ARHGAP22: variants seen among roughly 807,000 people sequenced by gnomAD.
ARHGAP22 encodes rho GTPase-activating protein 22.
A neutral mutation model predicts 59.1 loss-of-function variants in ARHGAP22; 48 were observed. The ratio of observed to expected loss-of-function variants is 0.81; its 90% confidence interval spans 0.64 to 1.03. The LOEUF (loss-of-function observed/expected upper bound fraction) is 1.03. ARHGAP22 is among the 50% of genes least tolerant of loss of function. The pLI is 0.00. For synonymous variants in ARHGAP22, 445 were observed against 416.4 expected, an observed-to-expected ratio of 1.07 and a Z score of -0.84; for missense variants, 1,015 against 958.7, an observed-to-expected ratio of 1.06 and a Z score of -0.78.
upstream of ARHGAP22, among the ~76,000 whole-genome samples, chr10:48,607,230 G>A (rs1275941534): frequency 6.6e-6 from 1 of 152,176 alleles, no homozygotes; most frequent in Non-Finnish European, 1.5e-5. Flanking sequence ...ACCCCCAGGC[G>A]CTTTTCCTGT....
intron 3 of ARHGAP22, among the ~76,000 whole-genome samples, chr10:48,501,175 G>A (rs546953604): frequency 6.6e-6 from 1 of 152,196 alleles, no homozygotes; most frequent in Admixed American, 6.5e-5. Context: ...GCCCAGATTT[G>A]TTTGAATATG....
the ARHGAP22 span, chr10:48,437,268 A>T: frequency 6.6e-6 from 1 of 152,222 alleles, no homozygotes; most frequent in African/African-American, 2.4e-5. Flanking sequence ...AAATTACTAC[A>T]TCCAAATACA....
At chr10:48,495,965 G>A (rs536680002) in intron 3 of ARHGAP22, among the ~76,000 whole-genome samples, 39 of 152,230 alleles carry the variant, frequency 2.6e-4, no homozygotes, top group East Asian at 1.5e-3. Flanking sequence ...ACAAATAGCC[G>A]TGTGATTCAG....
intron 3 of ARHGAP22, among the ~76,000 whole-genome samples, chr10:48,491,551 C>T (rs530217410): frequency 2.6e-5 from 4 of 152,322 alleles, no homozygotes; most frequent in East Asian, 1.9e-4. Context: ...TGGCCCACCC[C>T]GACTCTGTCT....
At chr10:48,654,776 TTCTTTCTTTCTTTCTTTC>T (rs1446300390), upstream of ARHGAP22, among the ~76,000 whole-genome samples, 5 of 44,954 alleles carry the variant, frequency 1.1e-4, no homozygotes, top group African/African-American at 1.7e-4. Flanking sequence ...GCTGATTACT[TTCTTTCTTTCTTTCTTTC>T]TTTCTTTCTT....
intron 3 of ARHGAP22, among the ~76,000 whole-genome samples, chr10:48,501,940 T>G (rs1424644071): frequency 6.6e-6 from 1 of 152,170 alleles, no homozygotes; most frequent in Non-Finnish European, 1.5e-5. Context: ...GAGGAGCAGC[T>G]TCCTCTCAGG....
intron 1 of ARHGAP22, among the ~76,000 whole-genome samples, chr10:48,645,662 G>C (rs1233994970): frequency 6.6e-6 from 1 of 152,056 alleles, no homozygotes; most frequent in Non-Finnish European, 1.5e-5. Flanking sequence ...GTGTTAAAGG[G>C]TATCTATGAC....
At chr10:48,597,321 A>T (rs2060127621) in intron 1 of ARHGAP22, among the ~76,000 whole-genome samples, 1 of 152,056 alleles carries the variant, frequency 6.6e-6, no homozygotes, top group Non-Finnish European at 1.5e-5. Context: ...GCCTGTTTCC[A>T]CACATGAAAA....
At chr10:48,573,155 C>T (rs2058502161) in intron 2 of ARHGAP22, among the ~76,000 whole-genome samples, 2 of 152,136 alleles carry the variant, frequency 1.3e-5, no homozygotes, top group South Asian at 4.2e-4. Context: ...TGTCGCCTGC[C>T]CCTAGACTCC....
chr10:48,552,101 C>T (rs1192027745), intron 3 of ARHGAP22, among the ~76,000 whole-genome samples: 1 of 152,254 alleles, frequency 6.6e-6, no homozygotes, highest in Non-Finnish European at 1.5e-5. Flanking sequence ...ATTTTTTATA[C>T]CGTTGAATTG....
chr10:48,524,969 A>G (rs959364586), intron 3 of ARHGAP22, among the ~76,000 whole-genome samples: 7 of 152,232 alleles, frequency 4.6e-5, no homozygotes, highest in Admixed American at 1.3e-4. Flanking sequence ...GAGTTGATAT[A>G]TACAAGGACT....
chr10:48,621,514 G>C (rs1045744118), intron 1 of ARHGAP22, among the ~76,000 whole-genome samples: 2 of 152,188 alleles, frequency 1.3e-5, no homozygotes, highest in Non-Finnish European at 2.9e-5. Context: ...AGATATGCCA[G>C]ATTTGTTAAA....
At chr10:48,570,547 GT>G (rs1371375205) in intron 2 of ARHGAP22, among the ~76,000 whole-genome samples, 7 of 152,170 alleles carry the variant, frequency 4.6e-5, no homozygotes, top group Non-Finnish European at 1.0e-4. Flanking sequence ...GCTCAGGTTT[GT>G]TTTTTTCTGA....
intron 7 of ARHGAP22, 34 bp downstream of exon 7, chr10:48,454,054 G>A (rs951285852): frequency 1.9e-6 from 3 of 1,602,448 alleles, no homozygotes; most frequent in Admixed American, 3.3e-5. Context: ...AGCCAGTGCA[G>A]GAAAGTGTGG....
chr10:48,483,463 G>A (rs886888979), intron 3 of ARHGAP22, among the ~76,000 whole-genome samples: 2 of 152,102 alleles, frequency 1.3e-5, no homozygotes, highest in Non-Finnish European at 2.9e-5. Context: ...TTTACTTTTA[G>A]GTTTTTTGAG....
Position 48,583,119 on chromosome 10 carries a change from C to A in ARHGAP22, c.68G>T (p.Ser23Ile). 1.2e-5 allele frequency: 20 copies of A among 1,614,228 alleles called. No individual in the cohort carries two copies. Among genetic ancestry groups the A allele is most frequent in the Non-Finnish European group, 1.7e-5 (20 of 1,180,044 alleles). ...RSKSLVMGEQ[S>I]RSPGRMPCPH... Reference sequence around the variant, plus strand: ...GCACGGCATCCGCCCAGGGCTCCGGCTCTGCTCCCCCATCACTAGGCTTTT... The same window carrying A: ...GCACGGCATCCGCCCAGGGCTCCGGATCTGCTCCCCCATCACTAGGCTTTT... Residue 23 changes from serine to isoleucine, a missense_variant, in exon 2 of 10, where the codon AGC becomes ATC. Ser to Ile is a moderately radical substitution (Grantham distance 142). Transcript: ENST00000249601.
upstream of ARHGAP22, among the ~76,000 whole-genome samples, chr10:48,655,068 CCTTCTCTTCT>C (rs200335418): frequency 0.03 from 670 of 22,126 alleles, 130 homozygotes; most frequent in East Asian, 0.12. Context: ...TTCCTTCCCT[CCTTCTCTTCT>C]CTTCTCTTCT....
At chr10:48,563,295 G>A (rs1483135620) in intron 2 of ARHGAP22, among the ~76,000 whole-genome samples, 1 of 147,924 alleles carries the variant, frequency 6.8e-6, no homozygotes, top group Non-Finnish European at 1.5e-5. Context: ...CTGGGTTCAT[G>A]CCATTCGCCT....
intron 1 of ARHGAP22, among the ~76,000 whole-genome samples, chr10:48,648,692 A>C (rs1014476683): frequency 2.0e-5 from 3 of 152,304 alleles, no homozygotes; most frequent in Non-Finnish European, 4.4e-5. Context: ...CCTGGGGGGA[A>C]AATGGTCCGG....
Sources: gnomAD v4.1 joint callset for allele counts (sites outside exome capture counted in the v4.1 genomes callset) on GRCh38, gnomAD v4.1.1 for gene constraint, MANE v1.5 for transcripts, NCBI Gene and HGNC (gene_info 2026-07-23, HGNC 2026-07-21) for gene names.